TCF4: variants seen among roughly 807,000 people sequenced by gnomAD.
The protein encoded by TCF4 is SL3-3 enhancer factor 2.
TCF4 carries 3 observed loss-of-function variants against 82.1 expected under a neutral mutation model. The ratio of observed to expected loss-of-function variants is 0.04; its 90% confidence interval spans 0.02 to 0.09. The LOEUF (loss-of-function observed/expected upper bound fraction) is 0.09. TCF4 is among the 10% of genes least tolerant of loss of function. TCF4 has a pLI of 1.00. For missense variants in TCF4, 518 were observed against 852.7 expected, an observed-to-expected ratio of 0.61 and a Z score of 4.89; for synonymous variants, 276 against 309.6, an observed-to-expected ratio of 0.89 and a Z score of 1.14.
chr18:55,381,310 A>G (rs2091864931), intron 6 of TCF4, among the ~76,000 whole-genome samples: 3 of 152,238 alleles, frequency 2.0e-5, no homozygotes, highest in African/African-American at 7.2e-5. Context: ...ATCCAGATTC[A>G]TATTTCAAAG....
chr18:55,430,097 C>G (rs536114273), intron 5 of TCF4, among the ~76,000 whole-genome samples: 1 of 152,284 alleles, frequency 6.6e-6, no homozygotes, highest in South Asian at 2.1e-4. Context: ...ACATTCATCT[C>G]TCTGTATTCA....
intron 11 of TCF4, among the ~76,000 whole-genome samples, chr18:55,263,860 T>A (rs1405606682): frequency 2.0e-5 from 3 of 151,850 alleles, no homozygotes; most frequent in Non-Finnish European, 2.9e-5. Context: ...CAGAGCTACA[T>A]TGGAAAAATC....
At chr18:55,398,709 C>G (rs2093636041) in intron 6 of TCF4, among the ~76,000 whole-genome samples, 1 of 152,154 alleles carries the variant, frequency 6.6e-6, no homozygotes, top group Admixed American at 6.5e-5. Flanking sequence ...CTTACTCCCT[C>G]AAAATGGCTT....
At chr18:55,319,094 T>C (rs749485164) in intron 8 of TCF4, among the ~76,000 whole-genome samples, 4 of 152,318 alleles carry the variant, frequency 2.6e-5, no homozygotes, top group African/African-American at 9.6e-5. Flanking sequence ...GTGCAACAAA[T>C]AGCTGACCAC....
chr18:55,529,549 T>C (rs1018532007), intron 3 of TCF4, among the ~76,000 whole-genome samples: 26 of 152,038 alleles, frequency 1.7e-4, no homozygotes, highest in African/African-American at 6.3e-4. Flanking sequence ...ATGCCTCCAA[T>C]TTTTTTTAAA....
chr18:55,525,589 CA>C (rs916079883), intron 3 of TCF4, among the ~76,000 whole-genome samples: 36 of 152,144 alleles, frequency 2.4e-4, no homozygotes, highest in African/African-American at 8.2e-4. Context: ...AACTGAGTTT[CA>C]AACCCAGCTG....
intron 12 of TCF4, 105 bp from the exon 13 acceptor site, chr18:55,260,132 T>C: frequency 1.2e-6 from 1 of 818,070 alleles, no homozygotes; most frequent in South Asian, 1.4e-5. Context: ...ACTTACAAGT[T>C]ACAGCATACA....
At chr18:55,635,737 T>C in exon 1 of TCF4, 1 of 1,550,522 alleles carries the variant, frequency 6.4e-7, no homozygotes, top group East Asian at 2.4e-5. Context: ...CGAGTAGCAG[T>C]TCTCAACCCA....
intron 3 of TCF4, among the ~76,000 whole-genome samples, chr18:55,475,767 T>C (rs2096276493): frequency 6.6e-6 from 1 of 152,204 alleles, no homozygotes; most frequent in Non-Finnish European, 1.5e-5. Flanking sequence ...TTCTGTTCTA[T>C]TTGAATTGGT....
intron 3 of TCF4, among the ~76,000 whole-genome samples, chr18:55,501,784 C>G (rs2096705073): frequency 6.6e-6 from 1 of 151,930 alleles, no homozygotes; most frequent in Non-Finnish European, 1.5e-5. Flanking sequence ...GCTTTGATTC[C>G]ACCGCATCCC....
intron 2 of TCF4, among the ~76,000 whole-genome samples, chr18:55,618,141 G>A (rs2097714048): frequency 6.6e-6 from 1 of 152,024 alleles, no homozygotes; most frequent in African/African-American, 2.4e-5. Context: ...AGCTTTTTGA[G>A]AGTATAATTA....
At chr18:55,459,748 A>G (rs1427609367) in intron 5 of TCF4, among the ~76,000 whole-genome samples, 1 of 152,192 alleles carries the variant, frequency 6.6e-6, no homozygotes, top group Non-Finnish European at 1.5e-5. Flanking sequence ...ACTGATAAAG[A>G]ACTGGGATTC....
intron 6 of TCF4, among the ~76,000 whole-genome samples, chr18:55,392,176 G>T (rs1436576310): frequency 2.0e-5 from 3 of 150,628 alleles, no homozygotes; most frequent in Non-Finnish European, 4.4e-5. Flanking sequence ...TGTTCGTCAG[G>T]CTGGTCTCGA....
intron 15 of TCF4, among the ~76,000 whole-genome samples, chr18:55,247,958 C>A (rs1024974257): frequency 9.9e-5 from 15 of 152,166 alleles, no homozygotes; most frequent in African/African-American, 3.4e-4. Context: ...TGGAGCTAGT[C>A]ACCCTTGAAG....
chr18:55,261,354 C>T, intron 12 of TCF4, 112 bp downstream of exon 12: 1 of 1,370,752 alleles, frequency 7.3e-7, no homozygotes, highest in Non-Finnish European at 1.0e-6. Context: ...TAGCATTTTC[C>T]AAAAATCAAA....
chr18:55,488,321 T>C (rs1041288474), intron 3 of TCF4, among the ~76,000 whole-genome samples: 6 of 152,296 alleles, frequency 3.9e-5, no homozygotes, highest in East Asian at 3.9e-4. Flanking sequence ...AGCAAAGAGA[T>C]GTATACATTT....
chr18:55,564,832 G>T (rs916372627), intron 3 of TCF4, among the ~76,000 whole-genome samples: 2 of 152,166 alleles, frequency 1.3e-5, no homozygotes. Flanking sequence ...AATGGGCTGA[G>T]TGCATGGCAA....
At chr18:55,235,952 G>A (rs1021107242) in intron 15 of TCF4, among the ~76,000 whole-genome samples, 1 of 151,996 alleles carries the variant, frequency 6.6e-6, no homozygotes, top group Non-Finnish European at 1.5e-5. Flanking sequence ...GACCTAATAA[G>A]CACATGCTAT....
intron 3 of TCF4, among the ~76,000 whole-genome samples, chr18:55,515,680 G>A (rs1406541412): frequency 6.6e-6 from 1 of 152,156 alleles, no homozygotes; most frequent in African/African-American, 2.4e-5. Context: ...ACGTTTTGAG[G>A]TGGAATCTTC....
Sources: allele counts gnomAD v4.1 joint callset (sites outside exome capture counted in the v4.1 genomes callset), GRCh38; gene constraint gnomAD v4.1.1; transcripts MANE v1.5; gene names NCBI Gene and HGNC (gene_info 2026-07-23, HGNC 2026-07-21).